The following CYP24A1 variants were observed in gnomAD, a reference collection of about 807,000 sequenced individuals.
CYP24A1 encodes the protein 1,25-dihydroxyvitamin D(3) 24-hydroxylase, mitochondrial.
A neutral mutation model predicts 62.4 loss-of-function variants in CYP24A1; 68 were observed. The observed-to-expected ratio is 1.09, with a 90% CI of 0.90 to 1.33. The LOEUF (loss-of-function observed/expected upper bound fraction) is 1.33. CYP24A1 is among the 40% of genes most tolerant of loss of function. CYP24A1 has a pLI of 0.00. For synonymous variants in CYP24A1, 267 were observed against 253.0 expected (o/e 1.06, Z -0.52); for missense variants, 787 against 653.0 (o/e 1.21, Z -2.24).
the CYP24A1 span, among the ~76,000 whole-genome samples, chr20:54,145,285 T>TAAA: frequency 6.3e-5 from 9 of 143,330 alleles, no homozygotes; most frequent in Non-Finnish European, 1.4e-4. Context: ...AGCTCTAAGT[T>TAAA]AAAAAAAAAA....
At chr20:54,152,027 C>T (rs2092613380), downstream of CYP24A1, among the ~76,000 whole-genome samples, 1 of 152,156 alleles carries the variant, frequency 6.6e-6, no homozygotes, top group African/African-American at 2.4e-5. Context: ...TTGGCCATGT[C>T]AGTGTCGGCT....
Position 54,169,604 on chromosome 20 carries a change from A to G in CYP24A1, c.628T>C (p.Trp210Arg). 6.2e-7 allele frequency: 1 copy of G among 1,614,150 alleles called. No individual in the cohort carries two copies. The highest frequency in any genetic ancestry group is 8.5e-7 in the Non-Finnish European group (1 of 1,180,002). Residue 210 changes from tryptophan to arginine, a missense_variant, in exon 4 of 12, where the codon TGG (tryptophan) becomes CGG (arginine). Coordinates refer to ENST00000216862, the MANE Select transcript of CYP24A1 (RefSeq NM_000782.5). The part of the protein sequence containing the change: ...VEDLYSELNK[W>R]SFESICLVLY... ...GACGACAACTTACTTTCAAACGACC[A>G]TTTGTTCAGTTCGCTGTACAAGTCT...
At position 54,173,679 on chromosome 20, in the gene CYP24A1, A is replaced by T. The variant is rs144737632; in HGVS notation, c.-100T>A. 1.3e-6 allele frequency: 1 copy of T among 793,920 alleles called. No individual in the cohort carries two copies. The highest frequency in any genetic ancestry group is 1.7e-5 in the African/African-American group (1 of 58,124). 49.2% of individuals were successfully genotyped at this position (793,920 alleles called of 1,614,324 possible). A position where few individuals can be genotyped will look rare whatever the true frequency, so the allele number is the denominator to read the frequency against. The stretch of plus-strand genomic sequence containing the variant: ...AGTCGGGGCTTAACGATTCTGGGAA[A>T]AGGAAGCAAAGAGGGCCAGCTGGTG... On this transcript the variant is annotated 5_prime_UTR_variant, in exon 1 of 12. Transcript: ENST00000216862. The surrounding 1 kb of genome is among the most constrained non-coding windows in gnomAD (Gnocchi z 7.2).
chr20:54,173,687 A>G lies in CYP24A1; in HGVS notation c.-108T>C, dbSNP rs2092703648. On this transcript the variant is annotated 5_prime_UTR_variant, in exon 1 of 12. Coordinates refer to ENST00000216862, the MANE Select transcript of CYP24A1 (RefSeq NM_000782.5). The surrounding 1 kb of genome is among the most constrained non-coding windows in gnomAD (Gnocchi z 7.2). ...CTTAACGATTCTGGGAAAAGGAAGC[A>G]AAGAGGGCCAGCTGGTGTGATGGAG... 1.4e-6 allele frequency: 1 copy of G among 732,930 alleles called. No individual in the cohort carries two copies. The highest frequency in any genetic ancestry group is 2.3e-6 in the Non-Finnish European group (1 of 441,572). 45.4% of individuals were successfully genotyped at this position (732,930 alleles called of 1,614,324 possible). A position where few individuals can be genotyped will look rare whatever the true frequency, so the allele number is the denominator to read the frequency against.
chr20:54,157,313 A>G (rs753233272), intron 10 of CYP24A1, 24 bp from the exon 11 acceptor site: 2 of 1,499,846 alleles, frequency 1.3e-6, no homozygotes, highest in South Asian at 2.3e-5. Context: ...GCACACAAAA[A>G]CAGAATTACC....
chr20:54,157,418 T>C lies in CYP24A1; in HGVS notation c.1404A>G (p.Ala468=). The change falls in exon 10 of 12, where the codon GCA becomes GCG. Residue 468 remains alanine, a synonymous_variant. Transcript: ENST00000216862. ...AAAGAGCCAAATGCAGTTGAAGCTCTGCTAATCGGCGACCAATGCACATTC... is the reference window on the plus strand; with the variant it reads ...AAAGAGCCAAATGCAGTTGAAGCTCCGCTAATCGGCGACCAATGCACATTC... ...GKRMCIGRRL[A]ELQLHLALCW... is the part of the protein sequence containing the mutation. 6.2e-7 allele frequency: 1 copy of C among 1,603,434 alleles called. No individual in the cohort carries two copies. The highest frequency in any genetic ancestry group is 8.5e-7 in the Non-Finnish European group (1 of 1,170,166).
chr20:54,156,372 T>C (rs927652), intron 11 of CYP24A1, among the ~76,000 whole-genome samples: 44,253 of 152,080 alleles, frequency 0.29, 7,356 homozygotes, highest in East Asian at 0.61. Flanking sequence ...AGATTCAAAG[T>C]GTGAGAGGGA....
downstream of CYP24A1, among the ~76,000 whole-genome samples, chr20:54,152,491 C>T (rs1354242835): frequency 6.6e-6 from 1 of 152,136 alleles, no homozygotes; most frequent in Non-Finnish European, 1.5e-5. Flanking sequence ...TGGGGACAGC[C>T]CCTGTGGGAT....
chr20:54,158,102 T>C lies in CYP24A1; in HGVS notation c.1220A>G (p.Tyr407Cys). Residue 407 changes from tyrosine to cysteine, a missense_variant, in exon 9 of 12, where the codon TAT becomes TGT. Coordinates refer to ENST00000216862, the MANE Select transcript of CYP24A1 (RefSeq NM_000782.5). ...TLDKATVLGE[Y>C]ALPKGTVLML... is the part of the protein sequence containing the mutation. ...TCTACTTACTCCTTTGGGTAAAGCA[T>C]ATTCACCCAGAACTGTTGCCTTGTC... 1.2e-6 allele frequency: 2 copies of C among 1,613,976 alleles called. No individual in the cohort carries two copies. Among genetic ancestry groups the C allele is most frequent in the Non-Finnish European group, 1.7e-6 (2 of 1,180,010 alleles).
At position 54,164,511 on chromosome 20, in the gene CYP24A1, C is replaced by A; in HGVS notation, c.785G>T (p.Ser262Ile). Residue 262 changes from serine to isoleucine, a missense_variant, in exon 6 of 12, where the codon AGC (serine) becomes ATC (isoleucine). Transcript: ENST00000216862. The part of the protein sequence containing the change: ...MMVTPVELHK[S>I]LNTKVWQDHT... ...GTCCTGCCAGACCTTGGTGTTGAGG[C>A]TCTTGTGCAGCTCGACTGGAGTGAC... 2 of 1,614,120 alleles carry A rather than the reference C, an allele frequency of 1.2e-6. No homozygotes were observed. Among genetic ancestry groups the A allele is most frequent in the Non-Finnish European group, 1.7e-6 (2 of 1,180,022 alleles).
At position 54,162,813 on chromosome 20, in the gene CYP24A1, A is replaced by C; in HGVS notation, c.894T>G (p.Ser298Arg). 6.5e-7 allele frequency: 1 copy of C among 1,549,814 alleles called. No individual in the cohort carries two copies. The change falls in exon 7 of 12, where the codon AGT (serine) becomes AGG (arginine). Residue 298 changes from serine (S) to arginine (R), a missense_variant. Ser to Arg is a moderately radical substitution (Grantham distance 110). Transcript: ENST00000216862. ...GATAAATGTCACAAAGGAAATCTGCACTAGGCTGCTGAGAATACTTCTCTA... is the reference window on the plus strand; with the variant it reads ...GATAAATGTCACAAAGGAAATCTGCCCTAGGCTGCTGAGAATACTTCTCTA... ...NRLEKYSQQP[S>R]ADFLCDIYHQ...
intron 6 of CYP24A1, among the ~76,000 whole-genome samples, chr20:54,163,757 T>C (rs181113807): frequency 1.0e-3 from 158 of 152,320 alleles, no homozygotes; most frequent in Non-Finnish European, 4.3e-4. Flanking sequence ...ATGTTAACTG[T>C]AATCTGTAGT....
At position 54,173,017 on chromosome 20, in the gene CYP24A1, A is replaced by T. The variant is rs757149824; in HGVS notation, c.341T>A (p.Leu114Gln). The T allele has an allele frequency of 1.2e-6, 2 of 1,611,082 alleles. No individual in the cohort carries two copies. Among genetic ancestry groups the T allele is most frequent in the South Asian group, 1.1e-5 (1 of 91,082 alleles). ...FESVHLGSPCLLEALYRTESA... is the reference protein window; with the variant it reads ...FESVHLGSPCQLEALYRTESA... Reference sequence around the variant, plus strand: ...CTCGGTGCGGTACAGCGCTTCCAGCAGGCATGGCGAGCCCAGGTGCACCGA... The same window carrying T: ...CTCGGTGCGGTACAGCGCTTCCAGCTGGCATGGCGAGCCCAGGTGCACCGA... Residue 114 changes from leucine (L) to glutamine (Q), a missense_variant, in exon 2 of 12, where the codon CTG becomes CAG. Physicochemically the swap from Leu to Gln is moderately radical, Grantham distance 113. Transcript: ENST00000216862. This position sits in a 1 kb window ranked among gnomAD's most constrained non-coding sequence, Gnocchi z 7.2.
At chr20:54,161,231 A>T (rs2146475562) in intron 7 of CYP24A1, among the ~76,000 whole-genome samples, 1 of 152,028 alleles carries the variant, frequency 6.6e-6, no homozygotes, top group Non-Finnish European at 1.5e-5. Context: ...CGTTTCCTCT[A>T]CCTGCAGCGC....
Position 54,173,633 on chromosome 20 carries a change from T to A in CYP24A1, c.-54A>T. 7.1e-7 allele frequency: 1 copy of A among 1,404,292 alleles called. No homozygotes were observed. Among genetic ancestry groups the A allele is most frequent in the Non-Finnish European group, 9.7e-7 (1 of 1,027,980 alleles). 87.0% of individuals were successfully genotyped at this position (1,404,292 alleles called of 1,614,324 possible). ...GGCAGGAGGATGGGGTGGGGCGAGG[T>A]TGGTACGAGGTGCTAGTGGGAGTCG... On this transcript the variant is annotated 5_prime_UTR_variant, in exon 1 of 12. Coordinates refer to ENST00000216862, the MANE Select transcript of CYP24A1 (RefSeq NM_000782.5). This position sits in a 1 kb window ranked among gnomAD's most constrained non-coding sequence, Gnocchi z 7.2.
downstream of CYP24A1, among the ~76,000 whole-genome samples, chr20:54,149,782 C>T (rs892470356): frequency 2.0e-5 from 3 of 152,194 alleles, no homozygotes; most frequent in African/African-American, 7.2e-5. Context: ...CCAACACCCT[C>T]ACTCAATGAG....
chr20:54,164,648 C>T (rs771340826), intron 5 of CYP24A1, 85 bp from the exon 6 acceptor site: 30 of 1,609,124 alleles, frequency 1.9e-5, no homozygotes, highest in South Asian at 1.1e-4. Flanking sequence ...CATTCTAAAC[C>T]GCAGCACCCT....
At chr20:54,146,193 A>C in the CYP24A1 span, among the ~76,000 whole-genome samples, 3 of 152,264 alleles carry the variant, frequency 2.0e-5, no homozygotes, top group Non-Finnish European at 4.4e-5. Context: ...AGGTTGGTGC[A>C]AAAGCGATTG....
chr20:54,173,946 G>T lies in CYP24A1; in HGVS notation c.-367C>A. The T allele has an allele frequency of 3.1e-6, 1 of 322,240 alleles. No individual in the cohort carries two copies. Among genetic ancestry groups the T allele is most frequent in the Non-Finnish European group, 5.8e-6 (1 of 171,626 alleles). 20.0% of individuals were successfully genotyped at this position (322,240 alleles called of 1,614,324 possible). ...CGGGGAGGTGTCAAGGAGGGTAGAT[G>T]AGATGCTGCTGGCGCTGCGTTTCCT... On this transcript the variant is annotated 5_prime_UTR_variant, in exon 1 of 12. It introduces an in-frame stop codon into an upstream open reading frame of the 5' UTR. Coordinates refer to ENST00000216862, the MANE Select transcript of CYP24A1 (RefSeq NM_000782.5). The surrounding 1 kb of genome is among the most constrained non-coding windows in gnomAD (Gnocchi z 7.2).
Sources: allele counts gnomAD v4.1 joint callset (sites outside exome capture counted in the v4.1 genomes callset), GRCh38; gene constraint gnomAD v4.1.1; non-coding constraint Gnocchi (gnomAD v3.1); transcripts MANE v1.5; gene names NCBI Gene and HGNC (gene_info 2026-07-23, HGNC 2026-07-21).